NT5C2: variants seen among roughly 807,000 people sequenced by gnomAD.
The protein encoded by NT5C2 is 5'-nucleotidase, cytosolic II, also known as cytosolic purine 5'-nucleotidase.
In NT5C2, 58 loss-of-function variants were observed where a neutral mutation model predicts 76.1. The ratio of observed to expected loss-of-function variants is 0.76; its 90% CI spans 0.62 to 0.95. NT5C2 has a LOEUF of 0.95. Ranked by LOEUF, NT5C2 falls within the 40% of genes least tolerant of loss-of-function variation. The pLI, the probability that NT5C2 is intolerant of heterozygous loss-of-function variation, is 0.00. For synonymous variants in NT5C2, 229 were observed against 237.4 expected (o/e 0.96, Z 0.32); for missense variants, 478 against 690.3 (o/e 0.69, Z 3.45).
intron 4 of NT5C2, among the ~76,000 whole-genome samples, chr10:103,117,010 C>G (rs893463945): frequency 1.3e-5 from 2 of 151,902 alleles, no homozygotes; most frequent in Non-Finnish European, 2.9e-5. Flanking sequence ...AAAATCAGAG[C>G]AAGAGATAGG....
chr10:103,125,215 G>A, intron 4 of NT5C2: 1 of 768,710 alleles, frequency 1.3e-6, no homozygotes, highest in South Asian at 1.4e-5. Context: ...GCCTGCCTGT[G>A]AGGTTCACTA....
In NT5C2 at chr10:103,088,154, G is replaced by A. The variant is rs949501280; in HGVS notation, c.*1518C>T. The A allele has an allele frequency of 5.3e-5, 8 of 152,120 alleles. No individual in the cohort carries two copies. The highest frequency in any genetic ancestry group is 2.1e-4 in the South Asian group (1 of 4,824). 9.4% of individuals were successfully genotyped at this position (152,120 alleles called of 1,614,324 possible). A position where few individuals can be genotyped will look rare whatever the true frequency, so the allele number is the denominator to read the frequency against. Reference sequence around the variant, plus strand: ...TACTACAGAATAGGTCAAAGTCACCGTTAGAAATATTACACTTTATTGAAT... The same window carrying A: ...TACTACAGAATAGGTCAAAGTCACCATTAGAAATATTACACTTTATTGAAT... On this transcript the variant is annotated 3_prime_UTR_variant, in exon 19 of 19. Transcript: ENST00000404739.
chr10:103,116,929 C>T (rs2074497351), intron 4 of NT5C2, among the ~76,000 whole-genome samples: 1 of 152,008 alleles, frequency 6.6e-6, no homozygotes, highest in Non-Finnish European at 1.5e-5. Context: ...ATGAGAAAAC[C>T]TGTTCTACCA....
intron 9 of NT5C2, 48 bp downstream of exon 9, chr10:103,099,878 A>G: frequency 8.3e-7 from 1 of 1,209,054 alleles, no homozygotes; most frequent in Non-Finnish European, 1.2e-6. Context: ...GCCACGCCAT[A>G]AAATACATGC....
chr10:103,162,235 C>T (rs1382183281), intron 3 of NT5C2, among the ~76,000 whole-genome samples: 5 of 151,878 alleles, frequency 3.3e-5, no homozygotes, highest in Non-Finnish European at 7.4e-5. Context: ...AGGATGGTCT[C>T]GATCTCTTGA....
intron 4 of NT5C2, among the ~76,000 whole-genome samples, chr10:103,131,332 A>G (rs2078128655): frequency 6.6e-6 from 1 of 152,230 alleles, no homozygotes. Flanking sequence ...AGATAGTTTT[A>G]TAGTTCATTC....
chr10:103,178,311 G>A (rs2090401126), intron 2 of NT5C2, among the ~76,000 whole-genome samples: 1 of 152,174 alleles, frequency 6.6e-6, no homozygotes, highest in Non-Finnish European at 1.5e-5. Flanking sequence ...ACTTTGGGAG[G>A]CCAAAGTGGG....
rs755280629 is a variant in NT5C2 at position 103,136,318 on chromosome 10, GTC to G, written c.175+3086_175+3087del. 3.9e-5 allele frequency among the ~76,000 whole-genome samples: 6 copies of G among 152,354 alleles called. No homozygotes were observed. The East Asian group carries it at 9.6e-4, about 24-fold the overall frequency. On this transcript the variant is annotated intron_variant, in intron 4 of 18. Transcript: ENST00000404739. The stretch of plus-strand genomic sequence containing the variant: ...AATGTCCTTGGACAAAGTGCTTGAT[GTC>G]TCAGAGTCATATGTAAAATGGAGAT...
At chr10:103,183,684 G>A (rs1261442239) in intron 1 of NT5C2, among the ~76,000 whole-genome samples, 1 of 150,782 alleles carries the variant, frequency 6.6e-6, no homozygotes, top group Non-Finnish European at 1.5e-5. Context: ...TTTAAGTGGG[G>A]GTGGGAGGAG....
chr10:103,109,851 GAA>G (rs2072472764), intron 4 of NT5C2, among the ~76,000 whole-genome samples: 1 of 152,144 alleles, frequency 6.6e-6, no homozygotes, highest in South Asian at 2.1e-4. Context: ...ATACAGGAGA[GAA>G]AAAGTCTCAA....
intron 3 of NT5C2, among the ~76,000 whole-genome samples, chr10:103,170,382 G>A (rs2087604361): frequency 6.6e-6 from 1 of 151,916 alleles, no homozygotes; most frequent in Non-Finnish European, 1.5e-5. Context: ...TTTTTCTATT[G>A]TTTCCAGTAC....
chr10:103,097,637 A>G (rs561264968), intron 10 of NT5C2, among the ~76,000 whole-genome samples: 103 of 152,366 alleles, frequency 6.8e-4, no homozygotes, highest in South Asian at 1.7e-3. Flanking sequence ...TGTTAACAAC[A>G]TATCTCTACC....
intron 3 of NT5C2, among the ~76,000 whole-genome samples, chr10:103,145,179 CCA>C (rs1480991946): frequency 6.6e-6 from 1 of 152,082 alleles, no homozygotes; most frequent in Admixed American, 6.5e-5. Context: ...GCTATATATT[CCA>C]CAGTTTACAA....
At chr10:103,173,333 C>A in intron 3 of NT5C2, among the ~76,000 whole-genome samples, 1 of 151,896 alleles carries the variant, frequency 6.6e-6, no homozygotes, top group South Asian at 2.1e-4. Flanking sequence ...TAATTTCATT[C>A]TTGGCCAGGC....
chr10:103,139,571 ATT>A, intron 3 of NT5C2, 92 bp from the exon 4 acceptor site: 1 of 910,198 alleles, frequency 1.1e-6, no homozygotes, highest in South Asian at 1.7e-5. Context: ...AGGTTTTCTC[ATT>A]TATTTTTCCA....
intron 3 of NT5C2, among the ~76,000 whole-genome samples, chr10:103,143,030 AGGAAAGGGAAC>A (rs2133284351): frequency 6.6e-6 from 1 of 151,872 alleles, no homozygotes; most frequent in South Asian, 2.1e-4. Context: ...AAAAGAAAAG[AGGAAAGGGAAC>A]GGAAAGGGAA....
intron 11 of NT5C2, among the ~76,000 whole-genome samples, chr10:103,096,253 C>A (rs2068135228): frequency 6.6e-6 from 1 of 152,124 alleles, no homozygotes; most frequent in South Asian, 2.1e-4. Flanking sequence ...AGGAAAGGAG[C>A]ATATGAGGTA....
chr10:103,114,896 G>A lies in NT5C2; in HGVS notation c.176-8190C>T, dbSNP rs564776309. The stretch of plus-strand genomic sequence containing the variant: ...TCACAACATCCTCATGATCTGCTTA[G>A]GTAACCAACTACAGTATTAGTGTCT... On this transcript the variant is annotated intron_variant, in intron 4 of 18. Transcript: ENST00000404739. Among the ~76,000 whole-genome samples, 32 of 152,286 alleles carry A rather than the reference G, an allele frequency of 2.1e-4. No homozygotes were observed. The East Asian group carries it at 5.8e-3, about 28-fold the overall frequency.
At chr10:103,167,047 G>C (rs192114788) in intron 3 of NT5C2, among the ~76,000 whole-genome samples, 1 of 142,060 alleles carries the variant, frequency 7.0e-6, no homozygotes, top group Non-Finnish European at 1.5e-5. Flanking sequence ...AGACAGTCTC[G>C]CTCTGTCACC....
Sources: allele counts gnomAD v4.1 joint callset (sites outside exome capture counted in the v4.1 genomes callset), GRCh38; gene constraint gnomAD v4.1.1; transcripts MANE v1.5; gene names NCBI Gene and HGNC (gene_info 2026-07-23, HGNC 2026-07-21).